PCDHA4: variants seen among roughly 807,000 people sequenced by gnomAD.
PCDHA4 encodes protocadherin alpha 4, also known as protocadherin alpha-4.
Under a neutral mutation model 61.4 loss-of-function variants are expected in PCDHA4, and 49 were observed. The observed-to-expected ratio is 0.80, with a 90% CI of 0.63 to 1.01. PCDHA4 has a LOEUF of 1.01. Among genes scored for constraint, PCDHA4 ranks in the 50% least tolerant of loss-of-function variants. PCDHA4 has a pLI of 0.00. For missense variants in PCDHA4, 1,254 were observed against 1,235.8 expected (o/e 1.01, Z -0.22); for synonymous variants, 590 against 550.3 (o/e 1.07, Z -1.01).
rs2045073152 is a variant in PCDHA4 at position 140,857,980 on chromosome 5, G to T, written c.2385+48408G>T. ...TGGATGAGACTGACTCGCCACGCCA[G>T]CGCCTACTGGTGCTGGTGAAGGACC... On this transcript the variant is annotated intron_variant, in intron 1 of 3. Coordinates refer to ENST00000530339, the MANE Select transcript of PCDHA4 (RefSeq NM_018907.4). The T allele has an allele frequency of 1.3e-6, 2 of 1,597,100 alleles. 1 individual carries two copies. Among genetic ancestry groups the T allele is most frequent in the Non-Finnish European group, 1.7e-6 (2 of 1,167,294 alleles).
intron 1 of PCDHA4, chr5:140,829,405 C>T: frequency 2.5e-6 from 4 of 1,614,154 alleles, no homozygotes; most frequent in Non-Finnish European, 3.4e-6. Context: ...TGTGGGCCAC[C>T]GCCAGCTTGT....
intron 1 of PCDHA4, among the ~76,000 whole-genome samples, chr5:140,925,606 C>A (rs1554202814): frequency 1.3e-5 from 2 of 150,882 alleles, no homozygotes; most frequent in African/African-American, 4.9e-5. Context: ...TGTAACAAAC[C>A]TGCACGTTGT....
chr5:140,822,047 G>A, intron 1 of PCDHA4: 3 of 1,614,218 alleles, frequency 1.9e-6, no homozygotes, highest in Non-Finnish European at 2.5e-6. Context: ...CGGATCGACC[G>A]GGAGGAGCTG....
At chr5:140,982,237 G>T (rs2096973071) in intron 2 of PCDHA4, 1 of 665,404 alleles carries the variant, frequency 1.5e-6, no homozygotes, top group East Asian at 3.5e-5. Context: ...AAACAGAATT[G>T]CCATAAAGAT....
At chr5:140,830,321 G>T (rs2150184954) in intron 1 of PCDHA4, 3 of 1,613,998 alleles carry the variant, frequency 1.9e-6, no homozygotes, top group Admixed American at 1.7e-5. Flanking sequence ...GTGCTCCAGC[G>T]CAGTGGGGAG....
rs534013349 is a variant in PCDHA4, at chr5:140,881,427, A to G, written c.2385+71855A>G. ...AATCAATAGGATATTAGTTCCAGGC[A>G]TATTTTATAAAAACAGAATCCAAAA... On this transcript the variant is annotated intron_variant, in intron 1 of 3. Transcript: ENST00000530339. 6.5e-5 allele frequency: 58 copies of G among 895,354 alleles called. No individual in the cohort carries two copies. In the African/African-American group the frequency reaches 9.9e-4, roughly 15 times the overall value. The allele number at this position is 895,354 out of a possible 1,614,324, so 55.5% of individuals were successfully genotyped here. A position where few individuals can be genotyped will look rare whatever the true frequency, so the allele number is the denominator to read the frequency against.
intron 1 of PCDHA4, among the ~76,000 whole-genome samples, chr5:140,931,320 G>A (rs1350182542): frequency 6.6e-6 from 1 of 151,992 alleles, no homozygotes; most frequent in Non-Finnish European, 1.5e-5. Context: ...TACCAGTAAT[G>A]GCTGTAAAGT....
intron 1 of PCDHA4, chr5:140,875,368 T>G (rs745982019): frequency 1.3e-5 from 19 of 1,449,988 alleles, no homozygotes; most frequent in Non-Finnish European, 1.7e-5. Context: ...TGGAAAAAAT[T>G]TACTAAATAT....
At chr5:141,008,435 G>C (rs2098377041) in intron 3 of PCDHA4, among the ~76,000 whole-genome samples, 1 of 152,160 alleles carries the variant, frequency 6.6e-6, no homozygotes, top group South Asian at 2.1e-4. Context: ...ACTTTGCCCA[G>C]ACAGACCATT....
At chr5:140,851,252 GTATTT>G (rs1434639310) in intron 1 of PCDHA4, 2 of 1,089,048 alleles carry the variant, frequency 1.8e-6, no homozygotes, top group Non-Finnish European at 2.3e-6. Context: ...ATGATGCATA[GTATTT>G]TAGTCTACTT....
intron 1 of PCDHA4, among the ~76,000 whole-genome samples, chr5:140,896,089 G>A (rs13174119): frequency 0.32 from 48,051 of 152,038 alleles, 7,939 homozygotes; most frequent in East Asian, 0.53. Flanking sequence ...GGGATTACAG[G>A]CGTGAGCCAC....
At chr5:140,814,813 A>G (rs1765596330) in intron 1 of PCDHA4, 1 of 152,138 alleles carries the variant, frequency 6.6e-6, no homozygotes, top group Non-Finnish European at 1.5e-5. Context: ...ACTTTATTGT[A>G]TTGCTATCTA....
chr5:140,872,338 A>T (rs970096150), intron 1 of PCDHA4, among the ~76,000 whole-genome samples: 2 of 152,156 alleles, frequency 1.3e-5, no homozygotes, highest in Non-Finnish European at 2.9e-5. Context: ...AAAATTCTAC[A>T]TGTTCTTGCC....
chr5:140,919,258 A>G (rs2079053720), intron 1 of PCDHA4, among the ~76,000 whole-genome samples: 1 of 152,178 alleles, frequency 6.6e-6, no homozygotes, highest in African/African-American at 2.4e-5. Flanking sequence ...TTTGTCTGAT[A>G]TTAGTGTAGT....
At chr5:140,885,016 T>C (rs1554181958) in intron 1 of PCDHA4, among the ~76,000 whole-genome samples, 1 of 152,244 alleles carries the variant, frequency 6.6e-6, no homozygotes. Flanking sequence ...CTAATCGTAA[T>C]CTTAAATTTA....
At chr5:140,924,911 TAAAATA>T (rs1563069196) in intron 1 of PCDHA4, among the ~76,000 whole-genome samples, 7 of 59,704 alleles carry the variant, frequency 1.2e-4, no homozygotes, top group Non-Finnish European at 2.5e-4. Flanking sequence ...AAAAATAAAA[TAAAATA>T]AAATAAAATA....
chr5:140,848,861 G>C, intron 1 of PCDHA4: 1 of 1,590,758 alleles, frequency 6.3e-7, no homozygotes, highest in Non-Finnish European at 8.6e-7. Flanking sequence ...TGGACGTGGA[G>C]GTGAAGGACA....
At chr5:140,883,018 G>A (rs1400637236) in intron 1 of PCDHA4, 4 of 1,614,086 alleles carry the variant, frequency 2.5e-6, no homozygotes, top group Admixed American at 1.7e-5. Flanking sequence ...ATAAAGTGAC[G>A]GTGTTAGAGA....
intron 1 of PCDHA4, chr5:140,857,029 A>G: frequency 1.3e-6 from 2 of 1,596,504 alleles, no homozygotes; most frequent in Non-Finnish European, 1.7e-6. Context: ...AGGGAAACCC[A>G]CCTATGGTTG....
Sources: gnomAD v4.1 joint callset for allele counts (sites outside exome capture counted in the v4.1 genomes callset) on GRCh38, gnomAD v4.1.1 for gene constraint, MANE v1.5 for transcripts, NCBI Gene and HGNC (gene_info 2026-07-23, HGNC 2026-07-21) for gene names.